Variants in MATN2 observed in about 807,000 individuals in gnomAD.
MATN2 encodes the protein matrilin-2.
A neutral mutation model predicts 103.2 loss-of-function variants in MATN2; 69 were observed. The observed-to-expected ratio is 0.67, with a 90% CI of 0.55 to 0.82. MATN2 has a LOEUF of 0.82. Ranked by LOEUF, MATN2 falls within the 40% of genes least tolerant of loss-of-function variation. The probability of loss-of-function intolerance (pLI) is 0.00; values close to 1 mark genes in which losing one functional copy is unlikely to be tolerated. For missense variants in MATN2, 1,023 were observed against 1,211.5 expected (o/e 0.84, Z 2.31); for synonymous variants, 429 against 450.2 (o/e 0.95, Z 0.60).
At chr8:98,006,723 C>T (rs1003131488) in intron 8 of MATN2, among the ~76,000 whole-genome samples, 18 of 152,168 alleles carry the variant, frequency 1.2e-4, no homozygotes, top group Admixed American at 9.8e-4. Context: ...GTGCTGCTGT[C>T]GTCAACACCA....
At chr8:98,012,334 T>G (rs1005027443) in intron 10 of MATN2, among the ~76,000 whole-genome samples, 6 of 152,050 alleles carry the variant, frequency 3.9e-5, no homozygotes, top group Non-Finnish European at 8.8e-5. Flanking sequence ...AGAGTGGTGA[T>G]GTGAGAAGGA....
chr8:97,889,350 C>T (rs772490852), intron 2 of MATN2, among the ~76,000 whole-genome samples: 1 of 151,760 alleles, frequency 6.6e-6, no homozygotes, highest in Non-Finnish European at 1.5e-5. Flanking sequence ...ATGTAAACAA[C>T]ACTTTTGCAA....
chr8:97,927,670 A>G (rs1422655646), intron 2 of MATN2, among the ~76,000 whole-genome samples: 1 of 152,172 alleles, frequency 6.6e-6, no homozygotes, highest in African/African-American at 2.4e-5. Flanking sequence ...TGGAACCTCC[A>G]ACAACATTTT....
intron 7 of MATN2, among the ~76,000 whole-genome samples, chr8:97,999,603 G>C (rs564657090): frequency 2.0e-5 from 3 of 152,322 alleles, no homozygotes; most frequent in African/African-American, 7.2e-5. Flanking sequence ...GCCTGCACAG[G>C]TGAGGCTGCT....
chr8:98,014,333 G>T (rs1041967978), intron 10 of MATN2, among the ~76,000 whole-genome samples: 1 of 152,118 alleles, frequency 6.6e-6, no homozygotes, highest in Non-Finnish European at 1.5e-5. Flanking sequence ...CCATCCAGTT[G>T]TCTATATCAT....
At chr8:97,970,045 G>GT (rs1443676237) in intron 5 of MATN2, among the ~76,000 whole-genome samples, 1 of 152,228 alleles carries the variant, frequency 6.6e-6, no homozygotes, top group Non-Finnish European at 1.5e-5. Context: ...AGAGGTAGAA[G>GT]AAAACAGCTT....
At chr8:97,872,098 AC>A (rs1350273130) in intron 1 of MATN2, among the ~76,000 whole-genome samples, 4 of 152,218 alleles carry the variant, frequency 2.6e-5, no homozygotes, top group African/African-American at 9.6e-5. Flanking sequence ...TGTTAGCTAT[AC>A]TTACTATTAT....
chr8:98,006,631 T>C (rs1484765604), intron 8 of MATN2, among the ~76,000 whole-genome samples: 1 of 152,192 alleles, frequency 6.6e-6, no homozygotes, highest in Non-Finnish European at 1.5e-5. Flanking sequence ...GAGCCTCACT[T>C]TCCTCTCTGT....
At chr8:97,874,299 C>G (rs1452313577) in intron 1 of MATN2, among the ~76,000 whole-genome samples, 1 of 152,178 alleles carries the variant, frequency 6.6e-6, no homozygotes, top group Non-Finnish European at 1.5e-5. Context: ...AGGCTGCACG[C>G]ATTGCTCGGT....
At chr8:97,891,959 G>T (rs555443233) in intron 2 of MATN2, among the ~76,000 whole-genome samples, 1 of 151,640 alleles carries the variant, frequency 6.6e-6, no homozygotes, top group African/African-American at 2.4e-5. Flanking sequence ...AAATGAGGCC[G>T]TGCACAGTGG....
chr8:97,988,152 C>CAAAAAAAAAAAAAA (rs869146483), intron 6 of MATN2, among the ~76,000 whole-genome samples: 4 of 65,864 alleles, frequency 6.1e-5, no homozygotes, highest in African/African-American at 3.2e-4. Context: ...CCATCTCCAC[C>CAAAAAAAAAAAAAA]AAAAAAAAAA....
At chr8:97,993,079 A>G (rs1563713115) in intron 6 of MATN2, among the ~76,000 whole-genome samples, 1 of 152,180 alleles carries the variant, frequency 6.6e-6, no homozygotes. Flanking sequence ...GGTGATATGT[A>G]CATGGATTTA....
intron 3 of MATN2, among the ~76,000 whole-genome samples, chr8:97,934,936 C>T (rs1014699051): frequency 2.0e-5 from 3 of 152,156 alleles, no homozygotes; most frequent in Admixed American, 2.0e-4. Flanking sequence ...AATTTTTTTC[C>T]TTTTGGCATA....
intron 5 of MATN2, among the ~76,000 whole-genome samples, chr8:97,975,133 G>A (rs1420726560): frequency 6.6e-6 from 1 of 152,224 alleles, no homozygotes; most frequent in Non-Finnish European, 1.5e-5. Context: ...TGTGAGGCGT[G>A]TACAGGTGTT....
At chr8:97,994,453 ATTC>A (rs761304533) in intron 6 of MATN2, 24 bp from the exon 7 acceptor site, 2 of 1,591,302 alleles carry the variant, frequency 1.3e-6, no homozygotes, top group East Asian at 2.2e-5. Flanking sequence ...TTGGTTTGCC[ATTC>A]TTGTGATTTT....
chr8:97,903,105 T>A (rs1393176586), intron 2 of MATN2, among the ~76,000 whole-genome samples: 2 of 152,202 alleles, frequency 1.3e-5, no homozygotes, highest in South Asian at 4.1e-4. Context: ...AAGCCTCAGA[T>A]GCCAGCAAGC....
At chr8:97,904,296 CTT>C (rs947274054) in intron 2 of MATN2, among the ~76,000 whole-genome samples, 1 of 152,118 alleles carries the variant, frequency 6.6e-6, no homozygotes, top group African/African-American at 2.4e-5. Context: ...GTCTATTTGA[CTT>C]TTCTATTTCT....
chr8:97,931,595 C>CA lies in MATN2; in HGVS notation c.712+73_712+74insA. 9.3e-6 allele frequency: 13 copies of CA among 1,392,800 alleles called. No individual in the cohort carries two copies. The highest frequency in any genetic ancestry group is 1.3e-5 in the Non-Finnish European group (13 of 1,030,754). The allele number at this position is 1,392,800 out of a possible 1,614,324, so 86.3% of individuals were successfully genotyped here. On this transcript the variant is annotated intron_variant, in intron 3 of 18. Transcript: ENST00000254898. This position sits in a 1 kb window ranked among gnomAD's most constrained non-coding sequence, Gnocchi z 4.1. ...ATTCATTCATCTTCAAGTGTTCATTCTGTGTTACTATGTCCCAGGTACTGT... is the reference window on the plus strand; with the variant it reads ...ATTCATTCATCTTCAAGTGTTCATTCATGTGTTACTATGTCCCAGGTACTGT...
At chr8:97,980,744 T>C (rs528433959) in intron 6 of MATN2, among the ~76,000 whole-genome samples, 1 of 151,818 alleles carries the variant, frequency 6.6e-6, no homozygotes, top group Non-Finnish European at 1.5e-5. Context: ...TTTTTGGTAT[T>C]TTTTGATAGC....
Sources: gnomAD v4.1 joint callset for allele counts (sites outside exome capture counted in the v4.1 genomes callset) on GRCh38, gnomAD v4.1.1 for gene constraint, Gnocchi (gnomAD v3.1) non-coding constraint, MANE v1.5 for transcripts, NCBI Gene and HGNC (gene_info 2026-07-23, HGNC 2026-07-21) for gene names.